The following RERG variants were observed in gnomAD, a reference collection of about 807,000 sequenced individuals.
The protein encoded by RERG is ras-related and estrogen-regulated growth inhibitor.
RERG carries 25 observed loss-of-function variants against 23.2 expected under a neutral mutation model. That is an observed-to-expected ratio of 1.08 (90% CI 0.79 to 1.50). RERG has a LOEUF of 1.50. RERG is among the 40% of genes most tolerant of loss of function. The pLI is 0.00. For missense variants in RERG, 253 were observed against 250.1 expected, an observed-to-expected ratio of 1.01 and a Z score of -0.08; for synonymous variants, 81 against 89.1, an observed-to-expected ratio of 0.91 and a Z score of 0.51.
At chr12:15,125,732 A>G (rs1863925883) in intron 2 of RERG, among the ~76,000 whole-genome samples, 1 of 152,014 alleles carries the variant, frequency 6.6e-6, no homozygotes, top group South Asian at 2.1e-4. Flanking sequence ...ATTAAGCATG[A>G]CCTCAATTTA....
chr12:15,155,528 G>A (rs990054224), intron 2 of RERG, among the ~76,000 whole-genome samples: 1 of 152,160 alleles, frequency 6.6e-6, no homozygotes, highest in Non-Finnish European at 1.5e-5. Flanking sequence ...TGCCAGTAGA[G>A]CTGCTTTCAT....
At chr12:15,163,666 G>A (rs1298355467) in intron 2 of RERG, among the ~76,000 whole-genome samples, 2 of 152,188 alleles carry the variant, frequency 1.3e-5, no homozygotes, top group Admixed American at 1.3e-4. Context: ...GCCATTAGGA[G>A]ATGGAAGGCA....
Position 15,108,894 on chromosome 12 carries a change from A to C in RERG, c.*216T>G, listed in dbSNP as rs1389617897. On this transcript the variant is annotated 3_prime_UTR_variant, in exon 5 of 5. Coordinates refer to ENST00000256953, the MANE Select transcript of RERG (RefSeq NM_032918.3). ...TGATTACATGTTCAAATGCCATTAG[A>C]GTGTATCTTATTCAAGCAGGAAAGG... The C allele has an allele frequency of 7.8e-6, 4 of 509,586 alleles. No homozygotes were observed. Among genetic ancestry groups the C allele is most frequent in the Non-Finnish European group, 1.4e-5 (4 of 292,382 alleles). The allele number at this position is 509,586 out of a possible 1,614,324, so 31.6% of individuals were successfully genotyped here. A position where few individuals can be genotyped will look rare whatever the true frequency, so the allele number is the denominator to read the frequency against.
chr12:15,221,312 T>C lies in RERG; in HGVS notation c.-232A>G, dbSNP rs2136154313. On this transcript the variant is annotated 5_prime_UTR_variant, in exon 1 of 5. Transcript: ENST00000256953. ...CCAGGCTTCAGGTTGCGTTTGCGAG[T>C]TGCTGGGCTGCGGTCGTGGGTGGGA... 6.6e-6 allele frequency: 1 copy of C among 152,144 alleles called. No individual in the cohort carries two copies. Among genetic ancestry groups the C allele is most frequent in the East Asian group, 1.9e-4 (1 of 5,170 alleles). 9.4% of individuals were successfully genotyped at this position (152,144 alleles called of 1,614,324 possible).
Position 15,109,435 on chromosome 12 carries a change from A to G in RERG, c.275T>C (p.Phe92Ser). 2 of 1,613,914 alleles carry G rather than the reference A, an allele frequency of 1.2e-6. No individual in the cohort carries two copies. The highest frequency in any genetic ancestry group is 1.1e-5 in the South Asian group (1 of 91,072). ...GTTCTTAAGTGGCAGCACTTCCTCA[A>G]AACTTCCTCGGTCAGTAATGTCGTA... ...LVYDITDRGS[F>S]EEVLPLKNIL... The change falls in exon 5 of 5, where the codon TTT (phenylalanine) becomes TCT (serine). Residue 92 changes from phenylalanine to serine, a missense_variant. Transcript: ENST00000256953.
At chr12:15,213,381 G>T (rs1865395281) in intron 2 of RERG, among the ~76,000 whole-genome samples, 1 of 152,202 alleles carries the variant, frequency 6.6e-6, no homozygotes, top group Non-Finnish European at 1.5e-5. Context: ...GGAAATCTGT[G>T]CCTTGCATGC....
At chr12:15,126,081 G>T (rs1863932518) in intron 2 of RERG, among the ~76,000 whole-genome samples, 1 of 137,720 alleles carries the variant, frequency 7.3e-6, no homozygotes, top group South Asian at 2.3e-4. Flanking sequence ...TTCCTCTATT[G>T]TCTAAACCCT....
intron 2 of RERG, among the ~76,000 whole-genome samples, chr12:15,175,053 T>C (rs1351299197): frequency 6.6e-6 from 1 of 152,072 alleles, no homozygotes; most frequent in Non-Finnish European, 1.5e-5. Flanking sequence ...TTGTTGAAAA[T>C]TGGACATTTT....
chr12:15,212,041 A>ATTTTT (rs1565539269), intron 2 of RERG, among the ~76,000 whole-genome samples: 2 of 92,544 alleles, frequency 2.2e-5, no homozygotes, highest in African/African-American at 7.3e-5. Flanking sequence ...CCACGAATAA[A>ATTTTT]CTTTTTTTTT....
intron 2 of RERG, among the ~76,000 whole-genome samples, chr12:15,190,241 G>C (rs1865051292): frequency 6.6e-6 from 1 of 151,994 alleles, no homozygotes; most frequent in Non-Finnish European, 1.5e-5. Context: ...TGGCTTCCCT[G>C]CACCACATTG....
rs112881879 is a variant in RERG, at chr12:15,166,629, T to C, written c.62-45510A>G. Reference sequence around the variant, plus strand: ...CTTACCTTCCCTAATGCAAACATTATGTGAAATTCACATCAGCATATATGA... The same window carrying C: ...CTTACCTTCCCTAATGCAAACATTACGTGAAATTCACATCAGCATATATGA... On this transcript the variant is annotated intron_variant, in intron 2 of 4. Transcript: ENST00000256953. Among the ~76,000 whole-genome samples, 75 of 152,174 alleles carry C rather than the reference T, an allele frequency of 4.9e-4. 2 individuals are homozygous for C. The highest frequency in any genetic ancestry group is 1.8e-3 in the African/African-American group (74 of 41,526).
intron 2 of RERG, among the ~76,000 whole-genome samples, chr12:15,213,656 CAT>C (rs1489419578): frequency 6.6e-6 from 1 of 152,242 alleles, no homozygotes; most frequent in African/African-American, 2.4e-5. Context: ...ACATCCCTCA[CAT>C]GTTTTATCAG....
intron 2 of RERG, among the ~76,000 whole-genome samples, chr12:15,207,880 A>G (rs1865314232): frequency 6.6e-6 from 1 of 152,180 alleles, no homozygotes; most frequent in South Asian, 2.1e-4. Context: ...GAAGCTACAG[A>G]AAAACCTTTG....
At chr12:15,138,182 G>C (rs1864176769) in intron 2 of RERG, 1 of 174,558 alleles carries the variant, frequency 5.7e-6, no homozygotes, top group African/African-American at 2.4e-5. Context: ...TGTGTTCTCT[G>C]TGCTTCCTGA....
intron 2 of RERG, among the ~76,000 whole-genome samples, chr12:15,150,636 AAAG>A (rs1388455805): frequency 6.6e-6 from 1 of 152,208 alleles, no homozygotes; most frequent in South Asian, 2.1e-4. Flanking sequence ...TTTATTTTAC[AAAG>A]AAGGAGACTG....
intron 2 of RERG, among the ~76,000 whole-genome samples, chr12:15,184,642 T>C (rs1302010704): frequency 1.3e-5 from 2 of 152,186 alleles, no homozygotes; most frequent in Admixed American, 6.6e-5. Context: ...ATGAATTTAA[T>C]AGCGTCCGAT....
intron 2 of RERG, among the ~76,000 whole-genome samples, chr12:15,179,976 C>T (rs1218352362): frequency 1.3e-5 from 2 of 151,838 alleles, no homozygotes; most frequent in Non-Finnish European, 2.9e-5. Flanking sequence ...AGCATTACAA[C>T]AAGTTTAGAA....
intron 3 of RERG, among the ~76,000 whole-genome samples, chr12:15,119,222 T>G (rs886835444): frequency 9.2e-5 from 14 of 152,320 alleles, no homozygotes; most frequent in African/African-American, 3.4e-4. Context: ...CTCAATAAAG[T>G]TTCATTATTC....
intron 2 of RERG, among the ~76,000 whole-genome samples, chr12:15,162,611 A>G (rs1864630778): frequency 6.6e-6 from 1 of 152,210 alleles, no homozygotes; most frequent in Admixed American, 6.5e-5. Context: ...TTGAAGTGAG[A>G]AAAGGCAGCA....
Sources: gnomAD v4.1 joint callset for allele counts (sites outside exome capture counted in the v4.1 genomes callset) on GRCh38, gnomAD v4.1.1 for gene constraint, MANE v1.5 for transcripts, NCBI Gene and HGNC (gene_info 2026-07-23, HGNC 2026-07-21) for gene names.